MAP3K5: variants seen among roughly 807,000 people sequenced by gnomAD.
The protein encoded by MAP3K5 is mitogen-activated protein kinase kinase kinase 5, also known as ASK-1.
MAP3K5 carries 56 observed loss-of-function variants against 158.7 expected under a neutral mutation model. The observed-to-expected ratio is 0.35, with a 90% CI of 0.28 to 0.44. The LOEUF (loss-of-function observed/expected upper bound fraction) is 0.44. Among genes scored for constraint, MAP3K5 ranks in the 20% least tolerant of loss-of-function variants. The pLI, the probability that MAP3K5 is intolerant of heterozygous loss-of-function variation, is 1.00. For missense variants in MAP3K5, 1,294 were observed against 1,674.8 expected, an observed-to-expected ratio of 0.77 and a Z score of 3.97; for synonymous variants, 579 against 601.7, an observed-to-expected ratio of 0.96 and a Z score of 0.55.
chr6:136,636,726 T>G, intron 14 of MAP3K5: 3 of 676,884 alleles, frequency 4.4e-6, no homozygotes, highest in Non-Finnish European at 5.5e-6. Context: ...GAGGATTGCT[T>G]GAGCCCAGGA....
intron 8 of MAP3K5, among the ~76,000 whole-genome samples, chr6:136,660,185 T>C (rs1778943527): frequency 6.6e-6 from 1 of 152,196 alleles, no homozygotes. Flanking sequence ...ATGCATACAG[T>C]ATATATATTT....
At chr6:136,764,159 G>A (rs776623130) in intron 1 of MAP3K5, among the ~76,000 whole-genome samples, 3 of 152,150 alleles carry the variant, frequency 2.0e-5, no homozygotes, top group South Asian at 2.1e-4. Flanking sequence ...TTCAGACCAT[G>A]GTAGATGTTT....
chr6:136,766,202 T>G (rs1275836323), intron 1 of MAP3K5, among the ~76,000 whole-genome samples: 1 of 152,180 alleles, frequency 6.6e-6, no homozygotes, highest in African/African-American at 2.4e-5. Context: ...GTATAAACAC[T>G]AAGCCTACAA....
chr6:136,596,699 G>C (rs999893511), intron 21 of MAP3K5, among the ~76,000 whole-genome samples: 6 of 152,184 alleles, frequency 3.9e-5, no homozygotes, highest in African/African-American at 1.4e-4. Context: ...TCTATTGTAA[G>C]GGGTGGAAAG....
chr6:136,776,730 T>C (rs1784416601), intron 1 of MAP3K5, among the ~76,000 whole-genome samples: 1 of 152,218 alleles, frequency 6.6e-6, no homozygotes, highest in Admixed American at 6.5e-5. Flanking sequence ...TTTATTTGAA[T>C]ATATGCTGAA....
chr6:136,710,454 C>T (rs552389860), intron 2 of MAP3K5, among the ~76,000 whole-genome samples: 4 of 151,942 alleles, frequency 2.6e-5, no homozygotes, highest in Non-Finnish European at 5.9e-5. Flanking sequence ...TCCTGATTTT[C>T]TGGTATTGGT....
intron 1 of MAP3K5, among the ~76,000 whole-genome samples, chr6:136,767,582 G>A (rs1469411841): frequency 1.3e-5 from 2 of 151,768 alleles, no homozygotes; most frequent in East Asian, 3.9e-4. Context: ...ATCAAGAAAT[G>A]TAAATGAAAC....
At chr6:136,637,520 C>T in intron 13 of MAP3K5, 114 bp from the exon 14 acceptor site, 1 of 712,438 alleles carries the variant, frequency 1.4e-6, no homozygotes, top group Non-Finnish European at 2.5e-6. Flanking sequence ...GTCTCCAGAA[C>T]CAGGCAATAA....
intron 1 of MAP3K5, among the ~76,000 whole-genome samples, chr6:136,746,442 A>T (rs757835688): frequency 3.3e-5 from 5 of 152,180 alleles, no homozygotes; most frequent in African/African-American, 1.2e-4. Flanking sequence ...GTACTGTTCT[A>T]TGGAAGTATT....
intron 2 of MAP3K5, among the ~76,000 whole-genome samples, chr6:136,716,565 A>T (rs2114761939): frequency 6.6e-6 from 1 of 152,322 alleles, no homozygotes; most frequent in Non-Finnish European, 1.5e-5. Context: ...CACTCTACAC[A>T]AAACAGGTTC....
intron 17 of MAP3K5, among the ~76,000 whole-genome samples, chr6:136,612,069 AC>A (rs1776369200): frequency 6.6e-6 from 1 of 152,106 alleles, no homozygotes; most frequent in South Asian, 2.1e-4. Flanking sequence ...ACACACAAGA[AC>A]CATTTTCCAC....
intron 11 of MAP3K5, chr6:136,647,675 A>C (rs1248825865): frequency 6.6e-6 from 1 of 152,170 alleles, no homozygotes; most frequent in East Asian, 1.9e-4. Flanking sequence ...CCGGCCCCTG[A>C]ACGTCCCATG....
intron 11 of MAP3K5, chr6:136,648,134 A>G (rs1176396129): frequency 6.6e-6 from 1 of 152,210 alleles, no homozygotes; most frequent in Admixed American, 6.5e-5. Context: ...CTTAGCTGAA[A>G]GCCTGTCTTC....
intron 7 of MAP3K5, among the ~76,000 whole-genome samples, chr6:136,684,882 C>A (rs984970654): frequency 1.3e-5 from 2 of 152,162 alleles, no homozygotes; most frequent in African/African-American, 4.8e-5. Context: ...AATGACAATG[C>A]AAAACATCAA....
At chr6:136,784,495 AG>A (rs1784758146) in intron 1 of MAP3K5, among the ~76,000 whole-genome samples, 1 of 152,210 alleles carries the variant, frequency 6.6e-6, no homozygotes, top group Admixed American at 6.5e-5. Flanking sequence ...AACAGCTCAG[AG>A]AAAAACCATG....
chr6:136,564,357 T>C (rs1349067394), intron 26 of MAP3K5, among the ~76,000 whole-genome samples: 2 of 151,938 alleles, frequency 1.3e-5, no homozygotes, highest in South Asian at 4.2e-4. Context: ...AGAAGGTGGG[T>C]GGAGGAAAAT....
At chr6:136,758,697 G>T (rs1783610196) in intron 1 of MAP3K5, among the ~76,000 whole-genome samples, 1 of 152,208 alleles carries the variant, frequency 6.6e-6, no homozygotes. Context: ...CATAAGTGAA[G>T]ACTCTGTTTA....
intron 2 of MAP3K5, among the ~76,000 whole-genome samples, chr6:136,719,160 A>G (rs904670976): frequency 6.6e-6 from 1 of 152,202 alleles, no homozygotes; most frequent in Admixed American, 6.5e-5. Flanking sequence ...TGGGTGAGAG[A>G]GCGAGATCCT....
chr6:136,611,131 A>AAG, intron 18 of MAP3K5, 151 bp downstream of exon 18: 6 of 467,918 alleles, frequency 1.3e-5, no homozygotes, highest in African/African-American at 6.1e-5. Context: ...AAAAAAAAAA[A>AAG]AAAGAAAGAA....
Sources: allele counts gnomAD v4.1 joint callset (sites outside exome capture counted in the v4.1 genomes callset), GRCh38; gene constraint gnomAD v4.1.1; transcripts MANE v1.5; gene names NCBI Gene and HGNC (gene_info 2026-07-23, HGNC 2026-07-21).